PSEN2: variants seen among roughly 807,000 people sequenced by gnomAD.
The protein encoded by PSEN2 is presenilin 2.
Under a neutral mutation model 49.1 loss-of-function variants are expected in PSEN2, and 32 were observed. That is an observed-to-expected ratio of 0.65 (90% CI 0.49 to 0.88). PSEN2 has a LOEUF of 0.88. PSEN2 is among the 40% of genes least tolerant of loss of function. The probability of loss-of-function intolerance (pLI) is 0.00; values close to 1 mark genes in which losing one functional copy is unlikely to be tolerated. For missense variants in PSEN2, 522 were observed against 586.9 expected, an observed-to-expected ratio of 0.89 and a Z score of 1.14; for synonymous variants, 255 against 244.0, an observed-to-expected ratio of 1.05 and a Z score of -0.42.
At chr1:226,885,200 G>T (rs1407683282) in intron 5 of PSEN2, among the ~76,000 whole-genome samples, 1 of 151,994 alleles carries the variant, frequency 6.6e-6, no homozygotes. Flanking sequence ...GTGGGTGGGT[G>T]GGGGAATGAG....
intron 6 of PSEN2, among the ~76,000 whole-genome samples, chr1:226,887,007 G>T (rs1450245519): frequency 6.6e-6 from 1 of 152,208 alleles, no homozygotes; most frequent in African/African-American, 2.4e-5. Flanking sequence ...ATTGCCGCTG[G>T]GAGGTTGGCA....
chr1:226,870,886 A>C (rs1660232902), intron 1 of PSEN2: 1 of 151,944 alleles, frequency 6.6e-6, no homozygotes, highest in Admixed American at 6.6e-5. Flanking sequence ...GCCGGCCCGG[A>C]ACTGGGTCGT....
chr1:226,879,893 C>T (rs909745107), intron 3 of PSEN2, among the ~76,000 whole-genome samples: 6 of 152,212 alleles, frequency 3.9e-5, no homozygotes, highest in African/African-American at 7.2e-5. Context: ...GTTGAAATCC[C>T]TGTGATGGAG....
intron 8 of PSEN2, among the ~76,000 whole-genome samples, chr1:226,889,293 T>C (rs1417958966): frequency 1.3e-5 from 2 of 152,120 alleles, no homozygotes; most frequent in Non-Finnish European, 2.9e-5. Flanking sequence ...TTTTTTTTTT[T>C]TGAGATGGAG....
intron 11 of PSEN2, among the ~76,000 whole-genome samples, chr1:226,893,671 T>C (rs1041262057): frequency 6.6e-6 from 1 of 152,216 alleles, no homozygotes. Context: ...CATACTAAAT[T>C]GTACAGCAGT....
chr1:226,897,110 G>T (rs1662177591), downstream of PSEN2, among the ~76,000 whole-genome samples: 1 of 152,170 alleles, frequency 6.6e-6, no homozygotes, highest in African/African-American at 2.4e-5. Context: ...CCTGGGATGG[G>T]GGGCATTGCC....
At position 226,882,008 on chromosome 1, in the gene PSEN2, G is replaced by C. The variant is rs1439853463; in HGVS notation, c.101G>C (p.Gly34Ala). Reference protein sequence around the residue: ...ESPTPRSCQEGRQGPEDGENT... With the variant: ...ESPTPRSCQEARQGPEDGENT... ...CCCACGCCGCGCTCCTGCCAGGAGG[G>C]CAGGCAGGGCCCAGAGGATGGAGAG... The change falls in exon 4 of 13, where the codon GGC becomes GCC. Residue 34 changes from glycine (G) to alanine (A), a missense_variant. Gly to Ala is a moderately conservative substitution (Grantham distance 60). Coordinates refer to ENST00000366783, the MANE Select transcript of PSEN2 (RefSeq NM_000447.3). 40 of 1,613,930 alleles carry C rather than the reference G, an allele frequency of 2.5e-5. No individual in the cohort carries two copies. The Admixed American group carries it at 6.5e-4, about 26-fold the overall frequency.
intron 3 of PSEN2, among the ~76,000 whole-genome samples, chr1:226,876,711 G>A (rs777487135): frequency 8.5e-5 from 13 of 152,206 alleles, no homozygotes; most frequent in Non-Finnish European, 1.8e-4. Flanking sequence ...ATTTAACAGC[G>A]TGTCATTGTT....
In PSEN2 at chr1:226,891,796, C is replaced by T. The variant is rs773597667; in HGVS notation, c.1024C>T (p.Pro342Ser). The T allele has an allele frequency of 1.9e-6, 3 of 1,614,162 alleles. No homozygotes were observed. The highest frequency in any genetic ancestry group is 2.2e-5 in the South Asian group (2 of 91,078). ...GEPSYPEVFE[P>S]PLTGYPGEEL... ...GCCTTCATACCCCGAAGTCTTTGAGCCTCCCTTGACTGGCTACCCAGGGGA... is the reference window on the plus strand; with the variant it reads ...GCCTTCATACCCCGAAGTCTTTGAGTCTCCCTTGACTGGCTACCCAGGGGA... The change falls in exon 11 of 13, where the codon CCT (proline) becomes TCT (serine). Residue 342 changes from proline to serine, a missense_variant. Transcript: ENST00000366783.
At position 226,870,640 on chromosome 1, in the gene PSEN2, G is replaced by A. The variant is rs1660205811; in HGVS notation, c.-359G>A. Reference sequence around the variant, plus strand: ...TGCGTAAACTCCGCTGGAGCGCGGCGGCAGAGCAGGTGAGCGGGCGGTGCC... The same window carrying A: ...TGCGTAAACTCCGCTGGAGCGCGGCAGCAGAGCAGGTGAGCGGGCGGTGCC... On this transcript the variant is annotated 5_prime_UTR_variant, in exon 1 of 13. Transcript: ENST00000366783. 1 of 152,220 alleles carries A rather than the reference G, an allele frequency of 6.6e-6. No individual in the cohort carries two copies. The highest frequency in any genetic ancestry group is 2.4e-5 in the African/African-American group (1 of 41,522). 9.4% of individuals were successfully genotyped at this position (152,220 alleles called of 1,614,324 possible).
At position 226,891,301 on chromosome 1, in the gene PSEN2, A is replaced by G. The variant is rs1661726444; in HGVS notation, c.910A>G (p.Met304Val). The change falls in exon 10 of 13, where the codon ATG becomes GTG. Residue 304 changes from methionine to valine, a missense_variant. Coordinates refer to ENST00000366783, the MANE Select transcript of PSEN2 (RefSeq NM_000447.3). The part of the protein sequence containing the change: ...YSSAMVWTVG[M>V]AKLDPSSQGA... ...AGCTGCCATGGTGTGGACGGTTGGC[A>G]TGGCGAAGCTGGACCCCTCCTCTCA... is the stretch of plus-strand genomic sequence containing the variant. 6 of 1,613,998 alleles carry G rather than the reference A, an allele frequency of 3.7e-6. No individual in the cohort carries two copies. The highest frequency in any genetic ancestry group is 1.7e-5 in the Admixed American group (1 of 60,006).
chr1:226,885,072 G>A (rs1034954849), intron 5 of PSEN2, among the ~76,000 whole-genome samples: 1 of 152,084 alleles, frequency 6.6e-6, no homozygotes, highest in Non-Finnish European at 1.5e-5. Context: ...TGAGTGAATT[G>A]CTTCCTGTGT....
chr1:226,881,805 G>A, intron 3 of PSEN2, 83 bp from the exon 4 acceptor site: 1 of 1,512,712 alleles, frequency 6.6e-7, no homozygotes, highest in Non-Finnish European at 9.2e-7. Flanking sequence ...AAGTCTCCAG[G>A]TCGCCTCCAG....
chr1:226,888,062 C>G (rs1446925541), intron 6 of PSEN2, 29 bp from the exon 7 acceptor site: 1 of 1,595,670 alleles, frequency 6.3e-7, no homozygotes, highest in African/African-American at 1.3e-5. Flanking sequence ...TTGGGGACAC[C>G]TTGTGATCGT....
intron 3 of PSEN2, among the ~76,000 whole-genome samples, 158 bp from the exon 4 acceptor site, chr1:226,881,730 T>C (rs1263857220): frequency 6.6e-6 from 1 of 152,206 alleles, no homozygotes; most frequent in Non-Finnish European, 1.5e-5. Flanking sequence ...CAAGGCCTCT[T>C]GTTTTATGGC....
intron 3 of PSEN2, among the ~76,000 whole-genome samples, 181 bp from the exon 4 acceptor site, chr1:226,881,707 C>G (rs1484741335): frequency 1.3e-5 from 2 of 152,224 alleles, no homozygotes; most frequent in Non-Finnish European, 2.9e-5. Context: ...GCTGCTGCCT[C>G]CATGGTAACT....
chr1:226,883,975 T>TGGGGGGTGTGTGGCCGGGGGGG, intron 5 of PSEN2, 56 bp downstream of exon 5: 1 of 129,696 alleles, frequency 7.7e-6, no homozygotes, highest in Non-Finnish European at 1.5e-5. Context: ...TGCCAGGGGG[T>TGGGGGGTGTGTGGCCGGGGGGG]GGGGGGCGCA....
chr1:226,891,752 C>G lies in PSEN2; in HGVS notation c.980C>G (p.Ser327Cys). 6.2e-7 allele frequency: 1 copy of G among 1,614,012 alleles called. No homozygotes were observed. Among genetic ancestry groups the G allele is most frequent in the Admixed American group, 1.7e-5 (1 of 60,022 alleles). The change falls in exon 11 of 13, where the codon TCC (serine) becomes TGC (cysteine). Residue 327 changes from serine (S) to cysteine (C), a missense_variant. Physicochemically the swap from Ser to Cys is moderately radical, Grantham distance 112. Coordinates refer to ENST00000366783, the MANE Select transcript of PSEN2 (RefSeq NM_000447.3). ...CTTCCTGGACACCCAGAAGAAGACTCCTATGACAGTTTTGGGGAGCCTTCA... is the reference window on the plus strand; with the variant it reads ...CTTCCTGGACACCCAGAAGAAGACTGCTATGACAGTTTTGGGGAGCCTTCA... ...LPYDPEMEED[S>C]YDSFGEPSYP...
chr1:226,889,806 C>T (rs531484658), intron 8 of PSEN2, among the ~76,000 whole-genome samples: 14 of 152,324 alleles, frequency 9.2e-5, no homozygotes, highest in East Asian at 1.9e-4. Context: ...GCCTGGCCAC[C>T]GCGTCTCGGG....
Sources: gnomAD v4.1 joint callset for allele counts (sites outside exome capture counted in the v4.1 genomes callset) on GRCh38, gnomAD v4.1.1 for gene constraint, MANE v1.5 for transcripts, NCBI Gene and HGNC (gene_info 2026-07-23, HGNC 2026-07-21) for gene names.